FAM13A: variants seen among roughly 807,000 people sequenced by gnomAD.
FAM13A encodes the protein protein FAM13A.
FAM13A carries 76 observed loss-of-function variants against 129.6 expected under a neutral mutation model. The observed-to-expected ratio is 0.59, with a 90% CI of 0.49 to 0.71. The LOEUF is 0.71. Among genes scored for constraint, FAM13A ranks in the 30% least tolerant of loss-of-function variants. FAM13A has a pLI of 0.00. For synonymous variants in FAM13A, 443 were observed against 449.9 expected (o/e 0.98, Z 0.20); for missense variants, 1,108 against 1,249.3 (o/e 0.89, Z 1.70).
intron 6 of FAM13A, among the ~76,000 whole-genome samples, chr4:88,876,321 C>G (rs1371038262): frequency 2.0e-5 from 3 of 151,800 alleles, no homozygotes; most frequent in Non-Finnish European, 4.4e-5. Flanking sequence ...CATTCTAATG[C>G]AAGCTTAAAA....
chr4:88,769,114 A>C (rs1720089501), intron 11 of FAM13A, among the ~76,000 whole-genome samples: 2 of 152,226 alleles, frequency 1.3e-5, no homozygotes, highest in African/African-American at 4.8e-5. Flanking sequence ...ACATATGTTC[A>C]TCTACCTATC....
At chr4:88,731,166 C>T (rs1157300187) in intron 23 of FAM13A, among the ~76,000 whole-genome samples, 161 bp downstream of exon 23, 1 of 152,114 alleles carries the variant, frequency 6.6e-6, no homozygotes, top group Non-Finnish European at 1.5e-5. Context: ...CACAGTCAAC[C>T]TCTAAGTGTC....
rs1747171928 is a variant in FAM13A at position 88,900,796 on chromosome 4, A to C, written c.843+5583T>G. ...TGATAGGATCAAATTCACACATAAC[A>C]ATGCTAACTTTAAATGTAAATGGGC... On this transcript the variant is annotated intron_variant, in intron 6 of 23. Coordinates refer to ENST00000264344, the MANE Select transcript of FAM13A (RefSeq NM_014883.4). Among the ~76,000 whole-genome samples the C allele has an allele frequency of 2.0e-5, 3 of 152,168 alleles. No individual in the cohort carries two copies. In the South Asian group the frequency reaches 6.2e-4, roughly 32 times the overall value.
chr4:88,751,010 G>A (rs996487961), intron 14 of FAM13A, among the ~76,000 whole-genome samples: 1 of 152,258 alleles, frequency 6.6e-6, no homozygotes, highest in Non-Finnish European at 1.5e-5. Flanking sequence ...GGGAAGCCAA[G>A]GCGGACGGAT....
chr4:88,808,470 C>A (rs1013318149), intron 7 of FAM13A, among the ~76,000 whole-genome samples: 1 of 152,094 alleles, frequency 6.6e-6, no homozygotes, highest in South Asian at 2.1e-4. Context: ...TCGTGTCAAT[C>A]TGTCATGTTC....
chr4:89,041,031 AC>A (rs1291387465), intron 1 of FAM13A, among the ~76,000 whole-genome samples: 1 of 152,118 alleles, frequency 6.6e-6, no homozygotes, highest in African/African-American at 2.4e-5. Flanking sequence ...CCACTCTTGG[AC>A]CCCTGGATTT....
At chr4:88,956,588 C>A (rs1757783455) in intron 4 of FAM13A, among the ~76,000 whole-genome samples, 1 of 152,150 alleles carries the variant, frequency 6.6e-6, no homozygotes, top group Admixed American at 6.5e-5. Context: ...ACTGATATAA[C>A]AAATTACCAC....
intron 3 of FAM13A, among the ~76,000 whole-genome samples, chr4:89,005,853 C>T (rs1283273957): frequency 6.6e-6 from 1 of 152,110 alleles, no homozygotes; most frequent in Non-Finnish European, 1.5e-5. Flanking sequence ...TTCTCCTATT[C>T]TATAGGTTGT....
Position 88,876,634 on chromosome 4 carries a change from G to C in FAM13A, c.844-25451C>G, listed in dbSNP as rs569889779. Among the ~76,000 whole-genome samples, 19 of 151,482 alleles carry C rather than the reference G, an allele frequency of 1.3e-4. No homozygotes were observed. The East Asian group carries it at 1.4e-3, about 11-fold the overall frequency. ...TGAGACAGAGTCTCGCTCTGTCGCC[G>C]AGGCTGGAGTGCAGTGGCTCAATCT... On this transcript the variant is annotated intron_variant, in intron 6 of 23. Transcript: ENST00000264344.
At chr4:88,961,347 CTTTTTTTTTTTTTTTTTTTTTTT>C (rs773764813) in intron 4 of FAM13A, among the ~76,000 whole-genome samples, 7 of 55,442 alleles carry the variant, frequency 1.3e-4, no homozygotes, top group South Asian at 5.0e-4. Context: ...TGGAATTTGC[CTTTTTTTTTTTTTTTTTTTTTTT>C]TTTTTTTTTT....
intron 23 of FAM13A, chr4:88,728,899 T>C (rs1192944001): frequency 5.4e-6 from 2 of 368,606 alleles, no homozygotes; most frequent in African/African-American, 4.1e-5. Context: ...TCCTGTATGA[T>C]AAGAAGGCTA....
At chr4:88,821,613 C>T (rs2869950) in intron 7 of FAM13A, among the ~76,000 whole-genome samples, 64,644 of 151,904 alleles carry the variant, frequency 0.43, 14,060 homozygotes, top group East Asian at 0.65. Flanking sequence ...GAATACAATT[C>T]GCTTAAAACC....
intron 4 of FAM13A, among the ~76,000 whole-genome samples, chr4:88,966,804 C>T (rs1285411481): frequency 6.6e-6 from 1 of 152,226 alleles, no homozygotes; most frequent in African/African-American, 2.4e-5. Flanking sequence ...ACTAGCTTAG[C>T]TCATGCAAAA....
Position 88,726,099 on chromosome 4 carries a change from G to A in FAM13A, c.*2434C>T, listed in dbSNP as rs1267753376. 1 of 152,140 alleles carries A rather than the reference G, an allele frequency of 6.6e-6. No homozygotes were observed. The highest frequency in any genetic ancestry group is 6.5e-5 in the Admixed American group (1 of 15,282). 9.4% of individuals were successfully genotyped at this position (152,140 alleles called of 1,614,324 possible). On this transcript the variant is annotated 3_prime_UTR_variant, in exon 24 of 24. Transcript: ENST00000264344. ...GAAAAATCCCAGTCCAGAGCATTTT[G>A]TCTTTGTGAAGCCAATTAATTAAGA...
At chr4:89,006,881 C>T (rs1765113260) in intron 3 of FAM13A, among the ~76,000 whole-genome samples, 1 of 152,200 alleles carries the variant, frequency 6.6e-6, no homozygotes, top group Non-Finnish European at 1.5e-5. Flanking sequence ...TAAGCCGCAT[C>T]TATCCATAGT....
intron 2 of FAM13A, among the ~76,000 whole-genome samples, chr4:89,026,334 T>C (rs953891355): frequency 2.0e-5 from 3 of 152,236 alleles, no homozygotes; most frequent in Admixed American, 6.5e-5. Context: ...GTTTGAAGCA[T>C]TTGAATAAAT....
At chr4:88,950,066 A>G (rs557976783) in intron 4 of FAM13A, among the ~76,000 whole-genome samples, 1 of 152,222 alleles carries the variant, frequency 6.6e-6, no homozygotes, top group African/African-American at 2.4e-5. Flanking sequence ...TGGATAAGTA[A>G]TTTTAAAAGT....
intron 5 of FAM13A, among the ~76,000 whole-genome samples, chr4:88,916,557 A>G (rs545674532): frequency 1.3e-5 from 2 of 152,204 alleles, no homozygotes; most frequent in Admixed American, 6.6e-5. Flanking sequence ...TGACTTAGAG[A>G]GGCTCTACTT....
At chr4:88,810,177 GCAAAA>G (rs879771273) in intron 7 of FAM13A, among the ~76,000 whole-genome samples, 30 of 152,058 alleles carry the variant, frequency 2.0e-4, no homozygotes, top group Non-Finnish European at 3.8e-4. Flanking sequence ...TATTCTGAAG[GCAAAA>G]CAAATAGACA....
Sources: allele counts gnomAD v4.1 joint callset (sites outside exome capture counted in the v4.1 genomes callset), GRCh38; gene constraint gnomAD v4.1.1; transcripts MANE v1.5; gene names NCBI Gene and HGNC (gene_info 2026-07-23, HGNC 2026-07-21).